Variants in SIPA1L3 observed in about 807,000 individuals in gnomAD.
SIPA1L3 encodes the protein signal-induced proliferation-associated 1-like protein 3.
SIPA1L3 carries 59 observed loss-of-function variants against 150.1 expected under a neutral mutation model. That is an observed-to-expected ratio of 0.39 (90% CI 0.32 to 0.49). The LOEUF is 0.49. Among genes scored for constraint, SIPA1L3 ranks in the 20% least tolerant of loss-of-function variants. SIPA1L3 has a pLI of 0.86. For missense variants in SIPA1L3, 2,211 were observed against 2,489.5 expected (o/e 0.89, Z 2.38); for synonymous variants, 1,070 against 1,077.6 (o/e 0.99, Z 0.14).
At chr19:38,078,716 G>A (rs1019609313) in intron 2 of SIPA1L3, among the ~76,000 whole-genome samples, 1 of 152,172 alleles carries the variant, frequency 6.6e-6, no homozygotes, top group Non-Finnish European at 1.5e-5. Flanking sequence ...AGAAAAGTTA[G>A]AGGTCACCTT....
intron 1 of SIPA1L3, among the ~76,000 whole-genome samples, chr19:38,005,308 C>T (rs1419325046): frequency 6.6e-6 from 1 of 152,154 alleles, no homozygotes; most frequent in African/African-American, 2.4e-5. Flanking sequence ...CAGTGTGGCC[C>T]CCCAGACCCT....
rs150379616 is a variant in SIPA1L3 at position 38,160,733 on chromosome 19, C to T, written c.3662-1520C>T. ...CCACAGCAGCCACTACTCTTAAACC[C>T]GCTTCACCTTTGGACCAGCAATTCC... On this transcript the variant is annotated intron_variant, in intron 13 of 21. Transcript: ENST00000222345. 2.4e-4 allele frequency among the ~76,000 whole-genome samples: 37 copies of T among 152,194 alleles called. No individual in the cohort carries two copies. In the East Asian group the frequency reaches 4.1e-3, roughly 17 times the overall value.
chr19:38,127,766 T>C lies in SIPA1L3; in HGVS notation c.2869-2732T>C, dbSNP rs181974550. Among the ~76,000 whole-genome samples the C allele has an allele frequency of 2.0e-4, 31 of 152,296 alleles. No homozygotes were observed. In the East Asian group the frequency reaches 6.0e-3, roughly 29 times the overall value. ...CTCCTGCCTTGGCCTCCTAAAAGTG[T>C]TGAGATTACAGAGATTACAGGTGTG... is the stretch of plus-strand genomic sequence containing the variant. On this transcript the variant is annotated intron_variant, in intron 9 of 21. Transcript: ENST00000222345.
chr19:37,965,122 G>T (rs1332791357), intron 1 of SIPA1L3, among the ~76,000 whole-genome samples: 1 of 152,116 alleles, frequency 6.6e-6, no homozygotes, highest in African/African-American at 2.4e-5. Flanking sequence ...CCCATGGATA[G>T]TTTATAAAGA....
intron 10 of SIPA1L3, among the ~76,000 whole-genome samples, chr19:38,133,642 A>G (rs1479387377): frequency 6.6e-6 from 1 of 152,158 alleles, no homozygotes; most frequent in Admixed American, 6.6e-5. Context: ...TTTATATCAC[A>G]GAGTGGGGAG....
intron 1 of SIPA1L3, among the ~76,000 whole-genome samples, chr19:37,926,950 A>C (rs2046508890): frequency 6.6e-6 from 1 of 151,844 alleles, no homozygotes; most frequent in Non-Finnish European, 1.5e-5. Context: ...TTTGCAGATG[A>C]GGTAACTAAA....
At chr19:38,087,501 G>T (rs1970160756) in intron 3 of SIPA1L3, among the ~76,000 whole-genome samples, 1 of 152,202 alleles carries the variant, frequency 6.6e-6, no homozygotes, top group African/African-American at 2.4e-5. Flanking sequence ...ATTTCCGGTG[G>T]TGGGTAGATG....
At chr19:38,048,944 G>T (rs1298442665) in intron 2 of SIPA1L3, among the ~76,000 whole-genome samples, 4 of 152,132 alleles carry the variant, frequency 2.6e-5, no homozygotes, top group African/African-American at 9.7e-5. Context: ...TTAGCTGGGT[G>T]TGGTAGTGCA....
chr19:37,994,400 A>G (rs1967584033), intron 1 of SIPA1L3, among the ~76,000 whole-genome samples: 2 of 152,126 alleles, frequency 1.3e-5, no homozygotes, highest in Admixed American at 1.3e-4. Flanking sequence ...GCTAGGAGAA[A>G]GGGGTCAGGG....
At chr19:38,185,826 AGACTCTGTCTCCAAAT>A (rs1274466444) in intron 16 of SIPA1L3, 2 of 152,108 alleles carry the variant, frequency 1.3e-5, no homozygotes, top group Admixed American at 6.5e-5. Context: ...GCCTCTGTAA[AGACTCTGTCTCCAAAT>A]GAGGTCACAT....
intron 1 of SIPA1L3, among the ~76,000 whole-genome samples, chr19:37,979,430 A>G (rs833896): frequency 0.29 from 43,882 of 151,234 alleles, 7,834 homozygotes; most frequent in East Asian, 0.61. Context: ...GATGGCACAC[A>G]CCTGTAATCC....
chr19:37,968,033 A>G (rs914225093), intron 1 of SIPA1L3, among the ~76,000 whole-genome samples: 2 of 118,228 alleles, frequency 1.7e-5, no homozygotes, highest in Non-Finnish European at 1.7e-5. Flanking sequence ...AGTAAATGTT[A>G]GTTTCATTAA....
chr19:38,045,454 C>G (rs1275833723), intron 2 of SIPA1L3, among the ~76,000 whole-genome samples: 1 of 151,222 alleles, frequency 6.6e-6, no homozygotes, highest in Non-Finnish European at 1.5e-5. Context: ...AGAAAAGGTA[C>G]ACAGCCACTC....
intron 1 of SIPA1L3, among the ~76,000 whole-genome samples, chr19:37,928,457 G>A (rs1381241867): frequency 6.6e-6 from 1 of 152,156 alleles, no homozygotes; most frequent in Non-Finnish European, 1.5e-5. Flanking sequence ...TGTGGTCCCA[G>A]CTATTCGAGA....
intron 1 of SIPA1L3, among the ~76,000 whole-genome samples, chr19:37,917,953 C>T (rs553195522): frequency 3.3e-5 from 5 of 151,684 alleles, no homozygotes; most frequent in Non-Finnish European, 5.9e-5. Context: ...TGCAGTGAGC[C>T]GTGATTGTGC....
chr19:38,185,762 C>G (rs147947886), intron 16 of SIPA1L3: 2 of 152,110 alleles, frequency 1.3e-5, no homozygotes, highest in East Asian at 3.9e-4. Flanking sequence ...TCTGCAAGGA[C>G]GCCAATCTAA....
chr19:37,961,840 G>C (rs958152933), intron 1 of SIPA1L3, among the ~76,000 whole-genome samples: 1 of 151,990 alleles, frequency 6.6e-6, no homozygotes, highest in Non-Finnish European at 1.5e-5. Flanking sequence ...ATTCTGTACA[G>C]ATTATATACT....
intron 1 of SIPA1L3, among the ~76,000 whole-genome samples, chr19:38,017,928 A>T (rs948860939): frequency 1.4e-4 from 20 of 142,190 alleles, no homozygotes; most frequent in Non-Finnish European, 1.6e-4. Context: ...GCTTCCCATC[A>T]CACTAAAAAG....
intron 2 of SIPA1L3, among the ~76,000 whole-genome samples, chr19:38,077,278 C>G (rs1969857737): frequency 6.6e-6 from 1 of 151,878 alleles, no homozygotes; most frequent in Non-Finnish European, 1.5e-5. Flanking sequence ...TACTAAGACC[C>G]CACCTCTACC....
Sources: allele counts gnomAD v4.1 joint callset (sites outside exome capture counted in the v4.1 genomes callset), GRCh38; gene constraint gnomAD v4.1.1; transcripts MANE v1.5; gene names NCBI Gene and HGNC (gene_info 2026-07-23, HGNC 2026-07-21).